SLC4A7: variants seen among roughly 807,000 people sequenced by gnomAD.
SLC4A7 encodes solute carrier family 4 member 7.
In SLC4A7, 51 loss-of-function variants were observed where a neutral mutation model predicts 137.6. That is an observed-to-expected ratio of 0.37 (90% CI 0.30 to 0.47). The LOEUF is 0.47. Among genes scored for constraint, SLC4A7 ranks in the 20% least tolerant of loss-of-function variants. The probability of loss-of-function intolerance (pLI) is 1.00; values close to 1 mark genes in which losing one functional copy is unlikely to be tolerated. For missense variants in SLC4A7, 1,247 were observed against 1,525.4 expected (o/e 0.82, Z 3.04); for synonymous variants, 542 against 518.6 (o/e 1.05, Z -0.61).
intron 1 of SLC4A7, among the ~76,000 whole-genome samples, chr3:27,458,564 G>A (rs1202142637): frequency 1.3e-5 from 2 of 152,166 alleles, no homozygotes; most frequent in African/African-American, 4.8e-5. Flanking sequence ...CCCTTGTTAT[G>A]TATGATATAT....
chr3:27,453,693 T>C (rs776833863), intron 1 of SLC4A7, among the ~76,000 whole-genome samples: 7 of 152,238 alleles, frequency 4.6e-5, no homozygotes, highest in Non-Finnish European at 7.3e-5. Context: ...GTAAGTAAAC[T>C]CAGGAACTGA....
chr3:27,465,843 A>T (rs1212087285), intron 1 of SLC4A7, among the ~76,000 whole-genome samples: 1 of 151,458 alleles, frequency 6.6e-6, no homozygotes. Flanking sequence ...AGTCCCAGCT[A>T]CTCGGGAGGC....
intron 1 of SLC4A7, among the ~76,000 whole-genome samples, chr3:27,465,289 CAAAAAAA>C (rs11329798): frequency 1.2e-5 from 1 of 84,704 alleles, no homozygotes; most frequent in South Asian, 4.0e-4. Context: ...GACTCCGTCT[CAAAAAAA>C]AAAAAAAAAA....
At chr3:27,427,416 A>G (rs929409992) in intron 7 of SLC4A7, among the ~76,000 whole-genome samples, 5 of 152,048 alleles carry the variant, frequency 3.3e-5, no homozygotes, top group Non-Finnish European at 7.4e-5. Context: ...CTGAGATTAC[A>G]GGCATGAGCT....
At position 27,478,697 on chromosome 3, in the gene SLC4A7, G is replaced by A. The variant is rs950061386; in HGVS notation, c.60+5370C>T. ...GAAATCTGAAAATCTGCTTAAAACC[G>A]CCAAACTAGGCCAGGCACAGTGGCT... is the stretch of plus-strand genomic sequence containing the variant. On this transcript the variant is annotated intron_variant, in intron 1 of 25. Coordinates refer to ENST00000454389, the MANE Select transcript of SLC4A7 (RefSeq NM_001321103.2). Among the ~76,000 whole-genome samples the A allele has an allele frequency of 7.3e-5, 11 of 151,438 alleles. No homozygotes were observed. In the East Asian group the frequency reaches 1.6e-3, roughly 22 times the overall value.
At chr3:27,483,996 C>A (rs932682504) in intron 1 of SLC4A7, 71 bp downstream of exon 1, 2 of 1,182,148 alleles carry the variant, frequency 1.7e-6, no homozygotes, top group African/African-American at 1.6e-5. Flanking sequence ...GCCCGCCGCG[C>A]CCCCCGCCTT....
At chr3:27,463,130 A>C (rs1339090356) in intron 1 of SLC4A7, among the ~76,000 whole-genome samples, 4 of 152,186 alleles carry the variant, frequency 2.6e-5, no homozygotes, top group African/African-American at 9.6e-5. Context: ...GTCTCTACTC[A>C]AAATACAAAA....
At position 27,374,494 on chromosome 3, in the gene SLC4A7, T is replaced by C. The variant is rs1004817946; in HGVS notation, c.*2270A>G. On this transcript the variant is annotated 3_prime_UTR_variant, in exon 26 of 26. Transcript: ENST00000454389. ...TTTTTCAAAAACAGTGGAAGAAATA[T>C]AATCACTTAAAACAAGCAGTTAATT... is the stretch of plus-strand genomic sequence containing the variant. 4 of 152,490 alleles carry C rather than the reference T, an allele frequency of 2.6e-5. No homozygotes were observed. Among genetic ancestry groups the C allele is most frequent in the Non-Finnish European group, 4.4e-5 (3 of 67,926 alleles). The allele number at this position is 152,490 out of a possible 1,614,324, so 9.4% of individuals were successfully genotyped here.
intron 5 of SLC4A7, 74 bp from the exon 6 acceptor site, chr3:27,434,178 C>A: frequency 9.4e-7 from 1 of 1,066,246 alleles, no homozygotes; most frequent in South Asian, 1.8e-5. Context: ...GTGAGTGAAA[C>A]CTTATGACAA....
At chr3:27,464,372 T>G (rs772211167) in intron 1 of SLC4A7, among the ~76,000 whole-genome samples, 1 of 152,128 alleles carries the variant, frequency 6.6e-6, no homozygotes, top group Non-Finnish European at 1.5e-5. Flanking sequence ...TAACTGATAA[T>G]TCATTAAGGG....
chr3:27,461,153 T>A (rs1239039736), intron 1 of SLC4A7, among the ~76,000 whole-genome samples: 2 of 152,076 alleles, frequency 1.3e-5, no homozygotes, highest in African/African-American at 4.8e-5. Context: ...AACAAAATTA[T>A]CTTTATTTGC....
At chr3:27,395,535 A>T (rs550899047) in intron 18 of SLC4A7, among the ~76,000 whole-genome samples, 19 of 152,264 alleles carry the variant, frequency 1.2e-4, no homozygotes, top group African/African-American at 4.1e-4. Flanking sequence ...TGAGGATAAG[A>T]CTATCCTCAA....
At chr3:27,458,016 G>T (rs556123484) in intron 1 of SLC4A7, among the ~76,000 whole-genome samples, 6 of 152,124 alleles carry the variant, frequency 3.9e-5, no homozygotes, top group Non-Finnish European at 8.8e-5. Flanking sequence ...TAAAAATGGT[G>T]TTCCATGAAA....
chr3:27,442,441 CTTTTTTT>C (rs68093589), intron 3 of SLC4A7, among the ~76,000 whole-genome samples: 6 of 136,054 alleles, frequency 4.4e-5, no homozygotes, highest in African/African-American at 1.6e-4. Context: ...AGCTCATTTT[CTTTTTTT>C]TTTTTTTTTG....
At chr3:27,400,034 TAC>T (rs1475722940) in intron 16 of SLC4A7, among the ~76,000 whole-genome samples, 1 of 152,208 alleles carries the variant, frequency 6.6e-6, no homozygotes, top group Non-Finnish European at 1.5e-5. Flanking sequence ...AGGAATGACC[TAC>T]AGTTACTTAT....
chr3:27,384,044 T>C (rs1233584793), intron 23 of SLC4A7, among the ~76,000 whole-genome samples: 1 of 152,130 alleles, frequency 6.6e-6, no homozygotes. Flanking sequence ...GGAAGAAAAT[T>C]ATGATGTTAA....
chr3:27,448,627 T>C, intron 3 of SLC4A7, 24 bp downstream of exon 3: 11 of 1,592,212 alleles, frequency 6.9e-6, no homozygotes, highest in African/African-American at 1.4e-5. Context: ...TTTAAACTGC[T>C]AAAGAAGAAC....
intron 7 of SLC4A7, among the ~76,000 whole-genome samples, chr3:27,429,782 G>A (rs971853368): frequency 1.2e-4 from 18 of 151,914 alleles, no homozygotes; most frequent in South Asian, 4.2e-4. Flanking sequence ...CCCAGGAGGC[G>A]AGGCTGCAGT....
intron 13 of SLC4A7, among the ~76,000 whole-genome samples, chr3:27,407,478 CAAA>C (rs11319544): frequency 9.4e-5 from 11 of 116,870 alleles, no homozygotes; most frequent in Non-Finnish European, 9.0e-5. Flanking sequence ...GACTCCGCCT[CAAA>C]AAAAAAAAAA....
Sources: allele counts gnomAD v4.1 joint callset (sites outside exome capture counted in the v4.1 genomes callset), GRCh38; gene constraint gnomAD v4.1.1; transcripts MANE v1.5; gene names NCBI Gene and HGNC (gene_info 2026-07-23, HGNC 2026-07-21).